The following SNED1 variants were observed in gnomAD, a reference collection of about 807,000 sequenced individuals.
SNED1 encodes sushi, nidogen and EGF like domains 1.
SNED1 carries 81 observed loss-of-function variants against 166.7 expected under a neutral mutation model. The ratio of observed to expected loss-of-function variants is 0.49; its 90% CI spans 0.41 to 0.58. The LOEUF is 0.58. SNED1 is among the 20% of genes least tolerant of loss of function. The probability of loss-of-function intolerance (pLI) is 0.00; values close to 1 mark genes in which losing one functional copy is unlikely to be tolerated. For synonymous variants in SNED1, 762 were observed against 822.0 expected, an observed-to-expected ratio of 0.93 and a Z score of 1.25; for missense variants, 1,604 against 2,000.2, an observed-to-expected ratio of 0.80 and a Z score of 3.78.
At chr2:241,039,160 A>G (rs1376139082) in intron 6 of SNED1, among the ~76,000 whole-genome samples, 1 of 152,132 alleles carries the variant, frequency 6.6e-6, no homozygotes, top group Non-Finnish European at 1.5e-5. Context: ...CCCAGAACCC[A>G]TAACAGCAGG....
intron 29 of SNED1, 144 bp downstream of exon 29, chr2:241,082,508 C>T: frequency 1.6e-6 from 1 of 625,136 alleles, no homozygotes; most frequent in Non-Finnish European, 2.9e-6. Flanking sequence ...CATCGATTCC[C>T]TCCATGTCAC....
intron 1 of SNED1, among the ~76,000 whole-genome samples, chr2:241,024,310 A>G (rs2060875852): frequency 2.6e-5 from 3 of 115,000 alleles, no homozygotes; most frequent in African/African-American, 1.1e-4. Context: ...CAGTGGTGCT[A>G]TCTTGGCTCA....
chr2:241,015,487 C>G (rs1019841437), intron 1 of SNED1: 3 of 152,278 alleles, frequency 2.0e-5, no homozygotes, highest in Non-Finnish European at 4.4e-5. Flanking sequence ...CCATATGAAT[C>G]TTGATAAATC....
intron 1 of SNED1, among the ~76,000 whole-genome samples, chr2:241,019,692 G>A (rs984367805): frequency 6.6e-6 from 1 of 152,182 alleles, no homozygotes; most frequent in Non-Finnish European, 1.5e-5. Flanking sequence ...AGCGCGGTCC[G>A]ATCGGAGAGC....
chr2:241,035,069 A>G (rs1451587197), intron 4 of SNED1, among the ~76,000 whole-genome samples: 1 of 152,022 alleles, frequency 6.6e-6, no homozygotes, highest in Non-Finnish European at 1.5e-5. Flanking sequence ...CTGGGTCCTC[A>G]GGGGAGGAGG....
At chr2:241,014,377 A>T (rs548238925) in intron 1 of SNED1, among the ~76,000 whole-genome samples, 88 of 152,272 alleles carry the variant, frequency 5.8e-4, no homozygotes, top group Non-Finnish European at 1.1e-3. Flanking sequence ...TGTCAAGTCC[A>T]CACCCAGGAG....
Position 241,064,831 on chromosome 2 carries a change from T to C in SNED1, c.2600-13T>C, listed in dbSNP as rs374791974. On this transcript the variant is annotated splice_polypyrimidine_tract_variant and intron_variant, in intron 19 of 31. Transcript: ENST00000310397. This position sits in a 1 kb window ranked among gnomAD's most constrained non-coding sequence, Gnocchi z 7.0. ...CACGCCCCAACATACACTGCCACTT[T>C]TTCTCCCCTCAGTGAGTGACCCCTG... is the stretch of plus-strand genomic sequence containing the variant. 9 of 1,568,694 alleles carry C rather than the reference T, an allele frequency of 5.7e-6. No homozygotes were observed. In the Admixed American group the frequency reaches 1.4e-4, roughly 25 times the overall value.
Position 240,999,225 on chromosome 2 carries a change from G to T in SNED1, c.213+175G>T, listed in dbSNP as rs1359982500. Among the ~76,000 whole-genome samples, 1 of 149,970 alleles carries T rather than the reference G, an allele frequency of 6.7e-6. No homozygotes were observed. The highest frequency in any genetic ancestry group is 6.6e-5 in the Admixed American group (1 of 15,074). On this transcript the variant is annotated intron_variant, in intron 1 of 31. Coordinates refer to ENST00000310397, the MANE Select transcript of SNED1 (RefSeq NM_001080437.3). The surrounding 1 kb of genome is among the most constrained non-coding windows in gnomAD (Gnocchi z 5.8). ...CGGCCAAGGCCGGACAGCGGCCCGC[G>T]GGAGAGGCGCGCGGGCGGGGCGGGG...
chr2:241,019,088 C>T (rs1005194502), intron 1 of SNED1, among the ~76,000 whole-genome samples: 2 of 152,082 alleles, frequency 1.3e-5, no homozygotes, highest in East Asian at 3.9e-4. Flanking sequence ...GTGTGTGGAC[C>T]AGGAGCACAT....
At chr2:241,066,690 C>T (rs888430768) in intron 21 of SNED1, among the ~76,000 whole-genome samples, 19 of 152,068 alleles carry the variant, frequency 1.2e-4, no homozygotes, top group African/African-American at 3.6e-4. Flanking sequence ...CAGGGCCCTG[C>T]GGGGCGGCCA....
chr2:241,086,551 G>A (rs889221675), intron 29 of SNED1, among the ~76,000 whole-genome samples: 6 of 152,150 alleles, frequency 3.9e-5, no homozygotes, highest in African/African-American at 9.7e-5. Context: ...TTACAGTCTC[G>A]TGTTGTCTGT....
At position 241,073,233 on chromosome 2, in the gene SNED1, T is replaced by C. The variant is rs1436461186; in HGVS notation, c.3818-33T>C. 1.3e-6 allele frequency: 2 copies of C among 1,500,970 alleles called. No individual in the cohort carries two copies. Among genetic ancestry groups the C allele is most frequent in the East Asian group, 4.9e-5 (2 of 40,492 alleles). 93.0% of individuals were successfully genotyped at this position (1,500,970 alleles called of 1,614,324 possible). A position where few individuals can be genotyped will look rare whatever the true frequency, so the allele number is the denominator to read the frequency against. ...AGGACCATCCCGGGTGCAAAGCAGC[T>C]GCGCCGTGTGGTCACCGCCTGGCTT... On this transcript the variant is annotated intron_variant, in intron 26 of 31. Transcript: ENST00000310397. The surrounding 1 kb of genome is among the most constrained non-coding windows in gnomAD (Gnocchi z 6.6).
chr2:241,057,412 TGCCATACGCAGTGGCTCACAC>T (rs2062089687), intron 16 of SNED1, among the ~76,000 whole-genome samples: 1 of 129,362 alleles, frequency 7.7e-6, no homozygotes, highest in African/African-American at 3.0e-5. Context: ...TATATATATA[TGCCATACGCAGTGGCTCACAC>T]ATATAATGGG....
chr2:241,057,383 ATATATAT>A (rs1559276076), intron 16 of SNED1, among the ~76,000 whole-genome samples: 5 of 39,512 alleles, frequency 1.3e-4, no homozygotes, highest in Non-Finnish European at 5.4e-5. Flanking sequence ...ATCTCAAAAT[ATATATAT>A]ATATATATAT....
intron 1 of SNED1, among the ~76,000 whole-genome samples, chr2:241,000,406 G>A (rs542574613): frequency 2.6e-4 from 39 of 152,326 alleles, no homozygotes; most frequent in Non-Finnish European, 5.1e-4. Context: ...CTCTGGACCG[G>A]GACTTGGACA....
At chr2:241,082,979 T>TCCATTTAG (rs1381436792) in intron 29 of SNED1, among the ~76,000 whole-genome samples, 4 of 152,184 alleles carry the variant, frequency 2.6e-5, no homozygotes, top group Non-Finnish European at 4.4e-5. Flanking sequence ...CCGGGCACTG[T>TCCATTTAG]TCTAGATACT....
chr2:241,052,695 G>T (rs1471521632), intron 15 of SNED1, among the ~76,000 whole-genome samples: 2 of 66,168 alleles, frequency 3.0e-5, no homozygotes, highest in Non-Finnish European at 5.8e-5. Context: ...GTCGGCGGGG[G>T]GGGGGGGGGT....
At chr2:241,019,587 C>T (rs1055463205) in intron 1 of SNED1, among the ~76,000 whole-genome samples, 3 of 152,202 alleles carry the variant, frequency 2.0e-5, no homozygotes, top group South Asian at 2.1e-4. Flanking sequence ...AACTCATGCA[C>T]GCCAGCTCAC....
intron 3 of SNED1, among the ~76,000 whole-genome samples, chr2:241,034,112 C>T (rs1339163947): frequency 6.6e-6 from 1 of 152,218 alleles, no homozygotes; most frequent in East Asian, 1.9e-4. Context: ...CCCCTGCAGT[C>T]CCCTTTAACA....
Sources: gnomAD v4.1 joint callset for allele counts (sites outside exome capture counted in the v4.1 genomes callset) on GRCh38, gnomAD v4.1.1 for gene constraint, Gnocchi (gnomAD v3.1) non-coding constraint, MANE v1.5 for transcripts, NCBI Gene and HGNC (gene_info 2026-07-23, HGNC 2026-07-21) for gene names.